The following MLST8 variants were observed in gnomAD, a reference collection of about 807,000 sequenced individuals.
MLST8 encodes target of rapamycin complex subunit LST8.
Under a neutral mutation model 41.3 loss-of-function variants are expected in MLST8, and 20 were observed. The ratio of observed to expected loss-of-function variants is 0.48; its 90% CI spans 0.34 to 0.70. The LOEUF (loss-of-function observed/expected upper bound fraction) is 0.70, where lower values mean the gene tolerates loss of function less well. MLST8 is among the 30% of genes least tolerant of loss of function. The probability of loss-of-function intolerance (pLI) is 0.01; values close to 1 mark genes in which losing one functional copy is unlikely to be tolerated. For missense variants in MLST8, 422 were observed against 454.3 expected, an observed-to-expected ratio of 0.93 and a Z score of 0.65; for synonymous variants, 243 against 183.0, an observed-to-expected ratio of 1.33 and a Z score of -2.65.
At chr16:2,208,095 C>T (rs775538657) in intron 6 of MLST8, 115 bp from the exon 7 acceptor site, 28 of 1,302,868 alleles carry the variant, frequency 2.1e-5, no homozygotes, top group Non-Finnish European at 2.9e-5. Flanking sequence ...CCTGCCTGCC[C>T]CTCACCCGGG....
At chr16:2,205,869 G>T (rs763185780) in intron 1 of MLST8, 162 bp from the exon 2 acceptor site, 2 of 1,353,900 alleles carry the variant, frequency 1.5e-6, no homozygotes, top group African/African-American at 3.0e-5. Context: ...TGGAGCCCCG[G>T]AGCCAGGTAT....
rs948247024 is a variant in MLST8 at position 2,205,876 on chromosome 16, G to A, written c.-55-155G>A. On this transcript the variant is annotated intron_variant, in intron 1 of 8. Transcript: ENST00000569417. Reference sequence around the variant, plus strand: ...ACGCGCCCTGGAGCCCCGGAGCCAGGTATCACGCGTGTGACGCGTGTCCCT... The same window carrying A: ...ACGCGCCCTGGAGCCCCGGAGCCAGATATCACGCGTGTGACGCGTGTCCCT... 6.5e-6 allele frequency: 9 copies of A among 1,374,504 alleles called. No individual in the cohort carries two copies. The African/African-American group carries it at 8.9e-5, about 14-fold the overall frequency. The allele number at this position is 1,374,504 out of a possible 1,614,324, so 85.1% of individuals were successfully genotyped here.
At chr16:2,205,561 G>C (rs979337501) in intron 1 of MLST8, 49 bp downstream of exon 1, 1 of 549,194 alleles carries the variant, frequency 1.8e-6, no homozygotes, top group Non-Finnish European at 2.3e-6. Context: ...TGGGTGGCTG[G>C]GAGAGCACGG....
At position 2,206,340 on chromosome 16, in the gene MLST8, C is replaced by A. The variant is rs1490915739; in HGVS notation, c.130-18C>A. On this transcript the variant is annotated intron_variant, in intron 2 of 8. Coordinates refer to ENST00000569417, the MANE Select transcript of MLST8 (RefSeq NM_022372.6). ...GGCCTCAGGGCTACCTTCCCGTCAT[C>A]CTCCTTAACAGTCCCAGCAGGTGAA... 6.2e-7 allele frequency: 1 copy of A among 1,613,742 alleles called. No individual in the cohort carries two copies. The highest frequency in any genetic ancestry group is 2.2e-5 in the East Asian group (1 of 44,864).
chr16:2,207,739 G>C (rs1253399435), intron 6 of MLST8: 1 of 262,012 alleles, frequency 3.8e-6, no homozygotes, highest in East Asian at 9.4e-5. Flanking sequence ...TATCAGCCAG[G>C]TGGCGTCATT....
At chr16:2,208,011 T>G (rs1734096121) in intron 6 of MLST8, 199 bp from the exon 7 acceptor site, 1 of 531,796 alleles carries the variant, frequency 1.9e-6, no homozygotes, top group African/African-American at 2.0e-5. Context: ...GGCCTCCTGT[T>G]CTTGGCTTGC....
intron 4 of MLST8, 100 bp downstream of exon 4, chr16:2,206,759 C>T (rs2093298868): frequency 1.4e-6 from 2 of 1,390,792 alleles, no homozygotes; most frequent in African/African-American, 1.4e-5. Flanking sequence ...AGACAGGGAG[C>T]TTCCTGTGGG....
At chr16:2,205,979 A>G (rs991523925) in intron 1 of MLST8, 52 bp from the exon 2 acceptor site, 9 of 1,488,512 alleles carry the variant, frequency 6.0e-6, no homozygotes, top group Non-Finnish European at 8.0e-6. Flanking sequence ...TGGGTCTATA[A>G]TCTACTTAGC....
rs373582655 is a variant in MLST8 at position 2,208,637 on chromosome 16, C to A, written c.862+24C>A. On this transcript the variant is annotated intron_variant, in intron 8 of 8. Coordinates refer to ENST00000569417, the MANE Select transcript of MLST8 (RefSeq NM_022372.6). ...TGGTGAGCCCCGCCCTGGCCTCCCC[C>A]ATCCCTGGCCCCCGGCGCTGGCCTC... 36 of 1,611,774 alleles carry A rather than the reference C, an allele frequency of 2.2e-5. No individual in the cohort carries two copies. The Middle Eastern group carries it at 4.9e-4, about 22-fold the overall frequency.
rs778026039 is a variant in MLST8, at chr16:2,207,194, C to T, written c.422C>T (p.Ala141Val). Residue 141 changes from alanine to valine, a missense_variant and splice_region_variant, in exon 6 of 9, where the codon GCA (alanine) becomes GTA (valine). Physicochemically the swap from Ala to Val is moderately conservative, Grantham distance 64. Transcript: ENST00000569417. ...TGCCTCACCACCCCTGCACCCCAGGCAGAGCTCATCGTGGGTGACCAGAGC... is the reference window on the plus strand; with the variant it reads ...TGCCTCACCACCCCTGCACCCCAGGTAGAGCTCATCGTGGGTGACCAGAGC... ...INCVCLHPNQ[A>V]ELIVGDQSGA... 2 of 1,613,812 alleles carry T rather than the reference C, an allele frequency of 1.2e-6. No homozygotes were observed. Among genetic ancestry groups the T allele is most frequent in the South Asian group, 2.2e-5 (2 of 91,076 alleles).
intron 2 of MLST8, 42 bp from the exon 3 acceptor site, chr16:2,206,316 G>T: frequency 6.2e-7 from 1 of 1,611,532 alleles, no homozygotes; most frequent in Non-Finnish European, 8.5e-7. Context: ...GGGGGCCCTG[G>T]CCTCAGGGCT....
chr16:2,208,731 C>T (rs768472402), intron 8 of MLST8, 28 bp from the exon 9 acceptor site: 4 of 1,613,770 alleles, frequency 2.5e-6, no homozygotes, highest in South Asian at 1.1e-5. Flanking sequence ...CACCTGCGCT[C>T]TTAGCCCTGC....
At chr16:2,208,066 G>A in intron 6 of MLST8, 144 bp from the exon 7 acceptor site, 1 of 941,828 alleles carries the variant, frequency 1.1e-6, no homozygotes, top group East Asian at 2.8e-5. Flanking sequence ...GGTGCCTTCT[G>A]CAGGCAGGAC....
intron 4 of MLST8, 48 bp from the exon 5 acceptor site, chr16:2,206,987 G>A: frequency 1.2e-6 from 2 of 1,605,816 alleles, no homozygotes; most frequent in South Asian, 1.1e-5. Context: ...TCTGGGTAGG[G>A]CACCAACAAG....
At chr16:2,205,749 G>C (rs1255707224) in intron 1 of MLST8, 15 of 1,020,858 alleles carry the variant, frequency 1.5e-5, no homozygotes, top group Non-Finnish European at 1.5e-5. Flanking sequence ...CGCGCAGCCC[G>C]CCCCTGCGGC....
Position 2,207,032 on chromosome 16 carries a change from C to T in MLST8, c.345-3C>T. The T allele has an allele frequency of 6.2e-7, 1 of 1,613,096 alleles. No homozygotes were observed. The highest frequency in any genetic ancestry group is 8.5e-7 in the Non-Finnish European group (1 of 1,179,886). ...ACAGCATGTGCCCCGGCCCGGCCCG[C>T]AGGTCCCGGAACCTGCAGTGCCAGC... On this transcript the variant is annotated splice_polypyrimidine_tract_variant and splice_region_variant and intron_variant, in intron 4 of 8. Coordinates refer to ENST00000569417, the MANE Select transcript of MLST8 (RefSeq NM_022372.6).
Position 2,206,067 on chromosome 16 carries a change from G to T in MLST8, c.-19G>T. 1 of 1,574,726 alleles carries T rather than the reference G, an allele frequency of 6.4e-7. No homozygotes were observed. The highest frequency in any genetic ancestry group is 8.6e-7 in the Non-Finnish European group (1 of 1,157,014). On this transcript the variant is annotated 5_prime_UTR_variant, in exon 2 of 9. Transcript: ENST00000569417. The stretch of plus-strand genomic sequence containing the variant: ...TTTGACCCCTGCCGTTCAGCTCTAG[G>T]GCCCGTGCAGGCCACACCATGAACA...
In MLST8 at chr16:2,207,176, C is replaced by CCACCCCTG. The variant is rs2093308614; in HGVS notation, c.421-10_421-3dup. ...AGGGCTGGGCTTGGGCCCTGCCTCA[C>CCACCCCTG]CACCCCTGCACCCCAGGCAGAGCTC... On this transcript the variant is annotated splice_polypyrimidine_tract_variant and intron_variant, in intron 5 of 8. Transcript: ENST00000569417. 1 of 1,613,132 alleles carries CCACCCCTG rather than the reference C, an allele frequency of 6.2e-7. No individual in the cohort carries two copies. The highest frequency in any genetic ancestry group is 1.3e-5 in the African/African-American group (1 of 74,918).
intron 4 of MLST8, 154 bp downstream of exon 4, chr16:2,206,813 T>C: frequency 9.6e-7 from 1 of 1,042,446 alleles, no homozygotes; most frequent in Non-Finnish European, 1.4e-6. Context: ...GTGAATTGCA[T>C]CAGAGCGCGA....
Sources: allele counts gnomAD v4.1 joint callset, GRCh38; gene constraint gnomAD v4.1.1; transcripts MANE v1.5; gene names NCBI Gene and HGNC (gene_info 2026-07-23, HGNC 2026-07-21).